Variants in PIK3C2G observed in about 807,000 individuals in gnomAD.
The protein encoded by PIK3C2G is phosphatidylinositol-4-phosphate 3-kinase catalytic subunit type 2 gamma, also known as phosphatidylinositol 3-kinase C2 domain-containing subunit gamma.
Under a neutral mutation model 181.1 loss-of-function variants are expected in PIK3C2G, and 168 were observed. The ratio of observed to expected loss-of-function variants is 0.93; its 90% CI spans 0.82 to 1.05. The LOEUF (loss-of-function observed/expected upper bound fraction) is 1.05, where lower values mean the gene tolerates loss of function less well. Ranked by LOEUF, PIK3C2G falls within the 50% of genes least tolerant of loss-of-function variation. PIK3C2G has a pLI of 0.00. For synonymous variants in PIK3C2G, 573 were observed against 592.2 expected, an observed-to-expected ratio of 0.97 and a Z score of 0.47; for missense variants, 1,869 against 1,732.8, an observed-to-expected ratio of 1.08 and a Z score of -1.40.
chr12:18,524,752 G>C (rs1386245599), intron 24 of PIK3C2G, among the ~76,000 whole-genome samples: 1 of 151,832 alleles, frequency 6.6e-6, no homozygotes, highest in Non-Finnish European at 1.5e-5. Context: ...ATTTTTAGTA[G>C]AGATAGGATT....
At chr12:18,515,184 T>C (rs1179075990) in intron 24 of PIK3C2G, among the ~76,000 whole-genome samples, 1 of 151,774 alleles carries the variant, frequency 6.6e-6, no homozygotes, top group African/African-American at 2.4e-5. Flanking sequence ...AGACCTGTGG[T>C]TTTCTTTTTT....
intron 8 of PIK3C2G, among the ~76,000 whole-genome samples, chr12:18,327,659 T>G (rs1277925563): frequency 2.0e-5 from 3 of 152,064 alleles, no homozygotes; most frequent in Admixed American, 2.0e-4. Flanking sequence ...CTATAGAGAA[T>G]ATTTTTGAAT....
intron 18 of PIK3C2G, among the ~76,000 whole-genome samples, chr12:18,449,764 C>T (rs146326893): frequency 9.9e-5 from 15 of 152,182 alleles, no homozygotes; most frequent in African/African-American, 3.6e-4. Flanking sequence ...AATAAATATA[C>T]GTGTGCATGT....
intron 18 of PIK3C2G, among the ~76,000 whole-genome samples, chr12:18,468,510 C>G (rs988618187): frequency 1.3e-5 from 2 of 152,034 alleles, no homozygotes; most frequent in Non-Finnish European, 2.9e-5. Flanking sequence ...AGAGGATATT[C>G]TTGAATATCC....
intron 18 of PIK3C2G, among the ~76,000 whole-genome samples, chr12:18,477,810 G>T (rs890137090): frequency 6.6e-6 from 1 of 152,144 alleles, no homozygotes; most frequent in Non-Finnish European, 1.5e-5. Flanking sequence ...TTGAAGCTGA[G>T]GTTCCAGGGA....
chr12:18,450,845 A>G (rs1947305636), intron 18 of PIK3C2G, among the ~76,000 whole-genome samples: 1 of 152,134 alleles, frequency 6.6e-6, no homozygotes, highest in Admixed American at 6.5e-5. Flanking sequence ...TCCTTTCACC[A>G]TTGCTTGTTT....
chr12:18,403,439 C>G (rs1028321141), intron 16 of PIK3C2G, among the ~76,000 whole-genome samples: 1 of 152,110 alleles, frequency 6.6e-6, no homozygotes, highest in African/African-American at 2.4e-5. Flanking sequence ...CAGAAATGAA[C>G]CTTTCAACTC....
chr12:18,332,071 A>G (rs1343216567), intron 8 of PIK3C2G, among the ~76,000 whole-genome samples: 33 of 152,186 alleles, frequency 2.2e-4, no homozygotes, highest in Non-Finnish European at 2.9e-5. Context: ...ATCTATATTT[A>G]TGAGGGACAT....
At chr12:18,568,228 G>A (rs916188623) in intron 29 of PIK3C2G, among the ~76,000 whole-genome samples, 5 of 152,068 alleles carry the variant, frequency 3.3e-5, no homozygotes, top group Admixed American at 1.3e-4. Flanking sequence ...TGCCTATCAC[G>A]GGGATCTAAG....
intron 5 of PIK3C2G, among the ~76,000 whole-genome samples, chr12:18,298,887 T>A (rs138160508): frequency 3.2e-4 from 49 of 152,066 alleles, no homozygotes; most frequent in East Asian, 1.9e-3. Context: ...GGGTTTTTTT[T>A]ATTCTGTTCC....
At chr12:18,686,345 C>T in the PIK3C2G span, among the ~76,000 whole-genome samples, 1 of 152,006 alleles carries the variant, frequency 6.6e-6, no homozygotes, top group Non-Finnish European at 1.5e-5. Flanking sequence ...AAAGAAAGTT[C>T]CTGACACCTT....
intron 29 of PIK3C2G, among the ~76,000 whole-genome samples, chr12:18,586,075 A>G (rs558379373): frequency 4.8e-4 from 73 of 152,306 alleles, no homozygotes; most frequent in African/African-American, 1.7e-3. Context: ...TTATAGCTCT[A>G]AACACCCACA....
intron 18 of PIK3C2G, among the ~76,000 whole-genome samples, chr12:18,438,506 A>G (rs564264469): frequency 1.5e-3 from 221 of 151,996 alleles, no homozygotes; most frequent in Admixed American, 5.4e-3. Flanking sequence ...TTAATGCTAG[A>G]CACTATGGTA....
At chr12:18,411,146 C>A (rs149667066) in intron 16 of PIK3C2G, among the ~76,000 whole-genome samples, 11 of 152,198 alleles carry the variant, frequency 7.2e-5, no homozygotes, top group African/African-American at 2.4e-4. Flanking sequence ...AATATCTTTA[C>A]TGATCCATTT....
intron 31 of PIK3C2G, among the ~76,000 whole-genome samples, chr12:18,628,224 G>C (rs541844380): frequency 5.9e-5 from 9 of 152,078 alleles, no homozygotes; most frequent in African/African-American, 2.2e-4. Flanking sequence ...TTATGTAATA[G>C]CTATTATTAT....
intron 31 of PIK3C2G, among the ~76,000 whole-genome samples, chr12:18,624,304 CTTCA>C (rs1268809945): frequency 2.0e-5 from 3 of 151,466 alleles, no homozygotes; most frequent in Admixed American, 6.6e-5. Flanking sequence ...GATTTTGGTC[CTTCA>C]TTCAGTTAAT....
At chr12:18,506,268 G>A (rs1197630068) in intron 24 of PIK3C2G, among the ~76,000 whole-genome samples, 4 of 152,070 alleles carry the variant, frequency 2.6e-5, no homozygotes, top group South Asian at 2.1e-4. Flanking sequence ...GGAGAGGGGC[G>A]GGCAGTAGGA....
intron 11 of PIK3C2G, among the ~76,000 whole-genome samples, chr12:18,353,623 C>G (rs536665284): frequency 1.6e-4 from 25 of 152,294 alleles, no homozygotes; most frequent in Non-Finnish European, 1.5e-4. Context: ...GTCCCCCCAT[C>G]TCTACTGTAA....
At chr12:18,588,947 T>G (rs960447635) in intron 29 of PIK3C2G, among the ~76,000 whole-genome samples, 1 of 152,060 alleles carries the variant, frequency 6.6e-6, no homozygotes, top group African/African-American at 2.4e-5. Context: ...TTCAGGAACA[T>G]GGATGGAGCT....
Sources: gnomAD v4.1 joint callset for allele counts (sites outside exome capture counted in the v4.1 genomes callset) on GRCh38, gnomAD v4.1.1 for gene constraint, MANE v1.5 for transcripts, NCBI Gene and HGNC (gene_info 2026-07-23, HGNC 2026-07-21) for gene names.